ZMIZ1: variants seen among roughly 807,000 people sequenced by gnomAD.
The protein encoded by ZMIZ1 is zinc finger MIZ-type containing 1, also known as zinc finger MIZ domain-containing protein 1.
ZMIZ1 carries 17 observed loss-of-function variants against 113.9 expected under a neutral mutation model. That is an observed-to-expected ratio of 0.15 (90% CI 0.10 to 0.22). ZMIZ1 has a LOEUF of 0.22. Ranked by LOEUF, ZMIZ1 falls within the 10% of genes least tolerant of loss-of-function variation. The pLI, the probability that ZMIZ1 is intolerant of heterozygous loss-of-function variation, is 1.00. For synonymous variants in ZMIZ1, 607 were observed against 603.1 expected, an observed-to-expected ratio of 1.01 and a Z score of -0.09; for missense variants, 1,059 against 1,477.8, an observed-to-expected ratio of 0.72 and a Z score of 4.65.
intron 2 of ZMIZ1, among the ~76,000 whole-genome samples, chr10:79,137,576 C>G (rs576815961): frequency 6.6e-5 from 10 of 152,288 alleles, no homozygotes; most frequent in South Asian, 2.1e-4. Context: ...AACAGTCACC[C>G]CTACAGTGGT....
chr10:79,217,879 T>C (rs1441227611), intron 7 of ZMIZ1, among the ~76,000 whole-genome samples: 1 of 152,234 alleles, frequency 6.6e-6, no homozygotes, highest in East Asian at 1.9e-4. Context: ...GGACATCTAT[T>C]CCTGATGGAG....
intron 3 of ZMIZ1, among the ~76,000 whole-genome samples, chr10:79,156,956 C>T (rs768466745): frequency 4.3e-4 from 64 of 150,274 alleles, no homozygotes; most frequent in East Asian, 5.8e-4. Flanking sequence ...TAAACAGGCA[C>T]CTAATTTTAA....
chr10:79,278,151 A>G (rs1852425029), intron 8 of ZMIZ1, among the ~76,000 whole-genome samples: 1 of 152,208 alleles, frequency 6.6e-6, no homozygotes, highest in Non-Finnish European at 1.5e-5. Flanking sequence ...AAATCGAATT[A>G]GAGGCTTGTT....
rs142684175 is a variant in ZMIZ1 at position 79,109,405 on chromosome 10, C to T, written c.-336-9510C>T. Among the ~76,000 whole-genome samples, 336 of 152,342 alleles carry T rather than the reference C, an allele frequency of 2.2e-3. 2 individuals carry two copies. The East Asian group carries it at 0.025, about 12-fold the overall frequency. ...CGTGGCTGGGCTGCCCCCGCCTGAT[C>T]ATTAGGCTCATGGATAAGACTCTCT... On this transcript the variant is annotated intron_variant, in intron 1 of 24. Coordinates refer to ENST00000334512, the MANE Select transcript of ZMIZ1 (RefSeq NM_020338.4).
At chr10:79,177,480 C>T (rs577495575) in intron 4 of ZMIZ1, among the ~76,000 whole-genome samples, 10 of 152,218 alleles carry the variant, frequency 6.6e-5, no homozygotes, top group South Asian at 2.1e-4. Context: ...CGTTAGTCCT[C>T]GTATCCACCC....
intron 4 of ZMIZ1, among the ~76,000 whole-genome samples, chr10:79,164,671 T>C (rs930337226): frequency 6.6e-6 from 1 of 152,202 alleles, no homozygotes; most frequent in African/African-American, 2.4e-5. Context: ...AATTCAACTT[T>C]CCAAGAGTCT....
At chr10:79,232,498 A>AGGGT (rs1849431789) in intron 7 of ZMIZ1, among the ~76,000 whole-genome samples, 1 of 152,084 alleles carries the variant, frequency 6.6e-6, no homozygotes, top group Non-Finnish European at 1.5e-5. Context: ...TGAATGTCAG[A>AGGGT]GTGTAGAGGG....
At chr10:79,273,967 G>A (rs1852105864) in intron 7 of ZMIZ1, among the ~76,000 whole-genome samples, 1 of 152,266 alleles carries the variant, frequency 6.6e-6, no homozygotes, top group Non-Finnish European at 1.5e-5. Flanking sequence ...CTGGGCCCAA[G>A]CGAGCTGCAT....
chr10:79,139,386 G>C (rs1247134475), intron 2 of ZMIZ1, among the ~76,000 whole-genome samples: 2 of 152,192 alleles, frequency 1.3e-5, no homozygotes, highest in Non-Finnish European at 2.9e-5. Context: ...AAGTGATGCT[G>C]TTCTGCTTTT....
At chr10:79,261,822 C>G (rs1466122862) in intron 7 of ZMIZ1, among the ~76,000 whole-genome samples, 1 of 152,216 alleles carries the variant, frequency 6.6e-6, no homozygotes, top group South Asian at 2.1e-4. Flanking sequence ...ACCTTTAGAG[C>G]ACCGAGGTGA....
In ZMIZ1 at chr10:79,287,107, G is replaced by T. The variant is rs537951149; in HGVS notation, c.426-2668G>T. 4.6e-5 allele frequency among the ~76,000 whole-genome samples: 7 copies of T among 152,314 alleles called. No individual in the cohort carries two copies. In the South Asian group the frequency reaches 1.4e-3, roughly 32 times the overall value. The stretch of plus-strand genomic sequence containing the variant: ...GTCCAGGGGATCTCCTCTTTGTTTT[G>T]TAAAAGCGTGACCTGTAGAGCCTCC... On this transcript the variant is annotated intron_variant, in intron 8 of 24. Coordinates refer to ENST00000334512, the MANE Select transcript of ZMIZ1 (RefSeq NM_020338.4).
Position 79,175,663 on chromosome 10 carries a change from T to TC in ZMIZ1, c.-50+13535dup, listed in dbSNP as rs889193248. 1.3e-5 allele frequency among the ~76,000 whole-genome samples: 2 copies of TC among 149,022 alleles called. 1 individual carries two copies. Among genetic ancestry groups the TC allele is most frequent in the Admixed American group, 1.3e-4 (2 of 14,992 alleles). ...TTACAGACCCGCATGTATGTGTCCC[T>TC]CCCCCTGGCCACCACACCCTTCACA... On this transcript the variant is annotated intron_variant, in intron 4 of 24. Coordinates refer to ENST00000334512, the MANE Select transcript of ZMIZ1 (RefSeq NM_020338.4).
At chr10:79,243,954 C>T (rs1237314916) in intron 7 of ZMIZ1, among the ~76,000 whole-genome samples, 1 of 152,244 alleles carries the variant, frequency 6.6e-6, no homozygotes, top group African/African-American at 2.4e-5. Context: ...ACAGACGGGG[C>T]CTTCATTTCT....
At chr10:79,172,961 G>C (rs1846667755) in intron 4 of ZMIZ1, among the ~76,000 whole-genome samples, 1 of 152,224 alleles carries the variant, frequency 6.6e-6, no homozygotes, top group African/African-American at 2.4e-5. Flanking sequence ...GGTAGTGACT[G>C]TGGGGCCAGC....
chr10:79,248,691 G>A (rs1385642365), intron 7 of ZMIZ1, among the ~76,000 whole-genome samples: 1 of 152,188 alleles, frequency 6.6e-6, no homozygotes, highest in East Asian at 1.9e-4. Context: ...GGAGCTCCGG[G>A]AACTGGATGG....
intron 5 of ZMIZ1, among the ~76,000 whole-genome samples, chr10:79,204,970 AGGAT>A (rs60981787): frequency 0.42 from 62,981 of 150,948 alleles, 13,557 homozygotes; most frequent in Non-Finnish European, 0.49. Flanking sequence ...TGATTCATTT[AGGAT>A]GGATGGATGG....
Position 79,314,416 on chromosome 10 carries a change from A to G in ZMIZ1, c.*1667A>G. ...AAGGTGGCCCCAGCTGTTGACTTCC[A>G]GTCACTGTCCCAGACGGCACAAGGT... On this transcript the variant is annotated 3_prime_UTR_variant, in exon 25 of 25. Coordinates refer to ENST00000334512, the MANE Select transcript of ZMIZ1 (RefSeq NM_020338.4). 2 of 368,224 alleles carry G rather than the reference A, an allele frequency of 5.4e-6. No individual in the cohort carries two copies. The highest frequency in any genetic ancestry group is 1.5e-4 in the East Asian group (2 of 13,742). The allele number at this position is 368,224 out of a possible 1,614,324, so 22.8% of individuals were successfully genotyped here. A position where few individuals can be genotyped will look rare whatever the true frequency, so the allele number is the denominator to read the frequency against.
chr10:79,279,732 T>C (rs557710145), intron 8 of ZMIZ1, among the ~76,000 whole-genome samples: 2 of 152,294 alleles, frequency 1.3e-5, no homozygotes, highest in East Asian at 3.9e-4. Context: ...AGGCTGAGGC[T>C]GGCAGATCAC....
At chr10:79,184,593 C>T (rs940288250) in intron 4 of ZMIZ1, among the ~76,000 whole-genome samples, 4 of 152,230 alleles carry the variant, frequency 2.6e-5, no homozygotes, top group Non-Finnish European at 5.9e-5. Flanking sequence ...CTGATCCTCA[C>T]TCACCTCTCT....
Sources: allele counts gnomAD v4.1 joint callset (sites outside exome capture counted in the v4.1 genomes callset), GRCh38; gene constraint gnomAD v4.1.1; transcripts MANE v1.5; gene names NCBI Gene and HGNC (gene_info 2026-07-23, HGNC 2026-07-21).